OPA1: variants seen among roughly 807,000 people sequenced by gnomAD.
OPA1 encodes the protein OPA1 mitochondrial dynamin like GTPase, also known as dynamin-like GTPase OPA1, mitochondrial.
OPA1 carries 59 observed loss-of-function variants against 152.9 expected under a neutral mutation model. The ratio of observed to expected loss-of-function variants is 0.39; its 90% CI spans 0.31 to 0.48. The LOEUF is 0.48. Among genes scored for constraint, OPA1 ranks in the 20% least tolerant of loss-of-function variants. OPA1 has a pLI of 0.96. For missense variants in OPA1, 1,008 were observed against 1,216.8 expected (o/e 0.83, Z 2.55); for synonymous variants, 400 against 389.9 (o/e 1.03, Z -0.31).
intron 4 of OPA1, 30 bp downstream of exon 4, chr3:193,617,315 A>G: frequency 7.5e-7 from 1 of 1,340,054 alleles, no homozygotes; most frequent in Non-Finnish European, 1.1e-6. Flanking sequence ...ATCTAATTTA[A>G]AAATTTAAGA....
chr3:193,684,586 G>C (rs1216877075), intron 29 of OPA1, among the ~76,000 whole-genome samples: 2 of 151,330 alleles, frequency 1.3e-5, no homozygotes. Context: ...AGGTAGCTGG[G>C]ATTACAGGCG....
chr3:193,618,109 G>A (rs2108883952), intron 5 of OPA1, among the ~76,000 whole-genome samples: 1 of 152,226 alleles, frequency 6.6e-6, no homozygotes, highest in Non-Finnish European at 1.5e-5. Flanking sequence ...TCTTGAAATA[G>A]ATCTAATTGT....
chr3:193,684,702 C>T (rs1042202876), intron 29 of OPA1, among the ~76,000 whole-genome samples: 1 of 152,006 alleles, frequency 6.6e-6, no homozygotes, highest in African/African-American at 2.4e-5. Context: ...CCACCCGCCT[C>T]GGCCTCCCAA....
intron 29 of OPA1, among the ~76,000 whole-genome samples, chr3:193,678,228 T>A (rs975763908): frequency 3.3e-5 from 5 of 152,210 alleles, no homozygotes; most frequent in Non-Finnish European, 7.3e-5. Context: ...TCTCTCCTTT[T>A]GTTGGCACTG....
chr3:193,618,588 C>A, intron 5 of OPA1: 1 of 388,862 alleles, frequency 2.6e-6, no homozygotes, highest in Non-Finnish European at 4.7e-6. Flanking sequence ...TAAAATAATC[C>A]TTACCAAAGA....
chr3:193,616,298 A>C (rs1729004005), intron 3 of OPA1, among the ~76,000 whole-genome samples: 2 of 152,122 alleles, frequency 1.3e-5, no homozygotes, highest in Admixed American at 6.5e-5. Context: ...GTGAGCCACT[A>C]TGCCTGGCTT....
In OPA1 at chr3:193,597,536, C is replaced by A. The variant is rs538122184; in HGVS notation, c.32+4127C>A. ...TGAAACCCTGTCTCTACTAAAAATA[C>A]AAAAAGTAGCCAGGTGTGGTGGCAG... On this transcript the variant is annotated intron_variant, in intron 1 of 30. Coordinates refer to ENST00000361510, the MANE Select transcript of OPA1 (RefSeq NM_130837.3). 4.4e-3 allele frequency among the ~76,000 whole-genome samples: 674 copies of A among 151,784 alleles called. 5 individuals are homozygous for A. Among genetic ancestry groups the A allele is most frequent in the African/African-American group, 0.015 (638 of 41,384 alleles).
intron 20 of OPA1, 108 bp downstream of exon 20, chr3:193,648,242 G>A (rs2109079636): frequency 1.3e-6 from 1 of 779,798 alleles, no homozygotes; most frequent in Middle Eastern, 2.4e-4. Context: ...CTTTGGTTTT[G>A]ACTATAACTA....
At position 193,615,752 on chromosome 3, in the gene OPA1, G is replaced by C. The variant is rs1179088732; in HGVS notation, c.430G>C (p.Asp144His). 6 of 1,607,610 alleles carry C rather than the reference G, an allele frequency of 3.7e-6. No individual in the cohort carries two copies. The highest frequency in any genetic ancestry group is 4.3e-6 in the Non-Finnish European group (5 of 1,174,316). Residue 144 changes from aspartate (D) to histidine (H), a missense_variant, in exon 3 of 31, where the codon GAT (aspartate) becomes CAT (histidine). This residue lies in a region of OPA1 where 408 missense variants were observed against 395.1 expected (regional missense o/e 1.03). Coordinates refer to ENST00000361510, the MANE Select transcript of OPA1 (RefSeq NM_130837.3). ...TGTGCCTGACATTGTGTGGGAAATTGATGAGTATATCGATTTTGGTTTGTA... is the reference window on the plus strand; with the variant it reads ...TGTGCCTGACATTGTGTGGGAAATTCATGAGTATATCGATTTTGGTTTGTA... ...WIVPDIVWEI[D>H]EYIDFEKIRK...
At chr3:193,678,577 A>G (rs934621528) in intron 29 of OPA1, among the ~76,000 whole-genome samples, 11 of 151,956 alleles carry the variant, frequency 7.2e-5, no homozygotes, top group African/African-American at 2.7e-4. Flanking sequence ...AGTGGGCTAG[A>G]TTTTTTTTCA....
intron 15 of OPA1, 158 bp from the exon 16 acceptor site, chr3:193,643,817 G>A (rs1734136864): frequency 9.4e-6 from 9 of 960,888 alleles, no homozygotes; most frequent in Non-Finnish European, 1.4e-5. Context: ...AAGCATCATT[G>A]AAATTTTTAT....
At chr3:193,606,305 T>C (rs1162889527) in intron 1 of OPA1, among the ~76,000 whole-genome samples, 1 of 152,158 alleles carries the variant, frequency 6.6e-6, no homozygotes, top group Non-Finnish European at 1.5e-5. Context: ...TTAGGGTACA[T>C]GTGCACAACG....
At chr3:193,600,851 G>A (rs1436408646) in intron 1 of OPA1, among the ~76,000 whole-genome samples, 1 of 152,096 alleles carries the variant, frequency 6.6e-6, no homozygotes, top group African/African-American at 2.4e-5. Flanking sequence ...ACATATCGTG[G>A]GTTCCTTTCT....
At chr3:193,595,901 G>A (rs912425217) in intron 1 of OPA1, among the ~76,000 whole-genome samples, 16 of 151,878 alleles carry the variant, frequency 1.1e-4, no homozygotes, top group African/African-American at 1.7e-4. Flanking sequence ...ATTTGTACTC[G>A]TCGTCTGTTA....
chr3:193,609,196 C>A (rs560946061), intron 1 of OPA1, among the ~76,000 whole-genome samples: 1 of 152,150 alleles, frequency 6.6e-6, no homozygotes, highest in Non-Finnish European at 1.5e-5. Flanking sequence ...GCATTTAGCC[C>A]ATTTACATTT....
rs558964143 is a variant in OPA1 at position 193,607,207 on chromosome 3, T to G, written c.33-7516T>G. ...AGAAGTTTCAGAAATTTTCTCCCAT[T>G]CTGTAGGTTGCCTGTTCACTCTGAT... On this transcript the variant is annotated intron_variant, in intron 1 of 30. Transcript: ENST00000361510. Among the ~76,000 whole-genome samples the G allele has an allele frequency of 2.6e-4, 39 of 152,368 alleles. 1 individual carries two copies. Among genetic ancestry groups the G allele is most frequent in the Admixed American group, 7.8e-4 (12 of 15,306 alleles).
intron 28 of OPA1, 79 bp downstream of exon 28, chr3:193,666,468 C>A: frequency 8.9e-7 from 1 of 1,127,864 alleles, no homozygotes; most frequent in Non-Finnish European, 1.3e-6. Context: ...TAGAAGGATG[C>A]CAAAATACTT....
intron 22 of OPA1, among the ~76,000 whole-genome samples, chr3:193,656,335 T>C (rs766716191): frequency 3.3e-5 from 5 of 152,278 alleles, no homozygotes; most frequent in Admixed American, 6.5e-5. Flanking sequence ...TCACTCCGTA[T>C]TTTTGGACAG....
intron 5 of OPA1, 95 bp from the exon 6 acceptor site, chr3:193,618,774 C>T: frequency 3.0e-6 from 3 of 985,076 alleles, no homozygotes; most frequent in East Asian, 4.8e-5. Flanking sequence ...CTCTAAAAAT[C>T]CATTCACCTT....
Sources: allele counts gnomAD v4.1 joint callset (sites outside exome capture counted in the v4.1 genomes callset), GRCh38; gene constraint gnomAD v4.1.1; regional missense constraint gnomAD v4.1.1; transcripts MANE v1.5; gene names NCBI Gene and HGNC (gene_info 2026-07-23, HGNC 2026-07-21).